CDCA8: variants seen among roughly 807,000 people sequenced by gnomAD.
CDCA8 encodes the protein cell division cycle associated 8, also known as borealin.
A neutral mutation model predicts 40.0 loss-of-function variants in CDCA8; 25 were observed. That is an observed-to-expected ratio of 0.63 (90% CI 0.46 to 0.87). The LOEUF (loss-of-function observed/expected upper bound fraction) is 0.87. CDCA8 is among the 40% of genes least tolerant of loss of function. The pLI is 0.00. For synonymous variants in CDCA8, 111 were observed against 126.5 expected (o/e 0.88, Z 0.82); for missense variants, 280 against 348.4 (o/e 0.80, Z 1.56).
At chr1:37,704,855 C>G (rs968178919) in intron 7 of CDCA8, among the ~76,000 whole-genome samples, 1 of 151,910 alleles carries the variant, frequency 6.6e-6, no homozygotes, top group African/African-American at 2.4e-5. Context: ...GCCATGTTGG[C>G]CAGGCTGGTC....
chr1:37,701,055 T>C (rs1645559727), intron 5 of CDCA8, among the ~76,000 whole-genome samples: 1 of 152,114 alleles, frequency 6.6e-6, no homozygotes, highest in Admixed American at 6.6e-5. Context: ...CACATGCCAA[T>C]TGCATGACAT....
intron 2 of CDCA8, 115 bp from the exon 3 acceptor site, chr1:37,695,795 A>G (rs2148286115): frequency 1.3e-6 from 1 of 762,418 alleles, no homozygotes; most frequent in East Asian, 2.7e-5. Context: ...TTAGATGGTG[A>G]AGGTCCTTGA....
chr1:37,695,070 A>AGGCTG (rs1451529017), intron 2 of CDCA8, among the ~76,000 whole-genome samples: 1 of 152,186 alleles, frequency 6.6e-6, no homozygotes, highest in Admixed American at 6.5e-5. Flanking sequence ...AAAAATAAGC[A>AGGCTG]GGCTGGGCAC....
At chr1:37,703,437 C>T in intron 7 of CDCA8, 90 bp downstream of exon 7, 1 of 968,902 alleles carries the variant, frequency 1.0e-6, no homozygotes, top group Non-Finnish European at 1.7e-6. Context: ...ACTCCTAGGC[C>T]AGGCACGGTA....
intron 2 of CDCA8, among the ~76,000 whole-genome samples, chr1:37,693,335 TTTAG>T (rs1400753461): frequency 1.3e-5 from 2 of 152,100 alleles, no homozygotes; most frequent in African/African-American, 4.8e-5. Flanking sequence ...CCAATAAAAT[TTTAG>T]TTATGGATAC....
intron 2 of CDCA8, among the ~76,000 whole-genome samples, chr1:37,695,384 A>T (rs1280038001): frequency 6.8e-6 from 1 of 146,530 alleles, no homozygotes; most frequent in Non-Finnish European, 1.5e-5. Context: ...AAAAAAAAAA[A>T]AAAAAAAAGA....
chr1:37,705,369 G>A, intron 7 of CDCA8, 72 bp from the exon 8 acceptor site: 1 of 1,452,702 alleles, frequency 6.9e-7, no homozygotes, highest in East Asian at 2.3e-5. Flanking sequence ...GCCAGAGTAA[G>A]GTTAAAATGG....
At chr1:37,698,123 A>T (rs147472745) in intron 3 of CDCA8, among the ~76,000 whole-genome samples, 1 of 152,350 alleles carries the variant, frequency 6.6e-6, no homozygotes, top group African/African-American at 2.4e-5. Flanking sequence ...GATTTATCGA[A>T]AAAATGGTAA....
chr1:37,705,606 G>A, intron 8 of CDCA8, 39 bp downstream of exon 8: 1 of 1,603,806 alleles, frequency 6.2e-7, no homozygotes, highest in East Asian at 2.2e-5. Context: ...ACAGTGTGCT[G>A]CTTAGTCAAG....
chr1:37,706,371 G>C (rs999500675), intron 8 of CDCA8, among the ~76,000 whole-genome samples: 41 of 151,956 alleles, frequency 2.7e-4, no homozygotes, highest in African/African-American at 9.9e-4. Context: ...GCCTCCCAAG[G>C]TGCTGGGATT....
In CDCA8 at chr1:37,692,985, C is replaced by T. The variant is rs762865531; in HGVS notation, c.175C>T (p.Leu59=). 7.6e-5 allele frequency: 123 copies of T among 1,614,002 alleles called. No homozygotes were observed. The highest frequency in any genetic ancestry group is 4.9e-4 in the Middle Eastern group (3 of 6,084). The change falls in exon 2 of 10, where the codon CTG becomes TTG. Residue 59 remains leucine (L), a synonymous_variant. Coordinates refer to ENST00000373055, the MANE Select transcript of CDCA8 (RefSeq NM_001256875.2). The part of the protein sequence containing the change: ...EVDNLYNIEI[L]RLPKALREMN... The stretch of plus-strand genomic sequence containing the variant: ...GGATAACCTCTACAACATCGAGATC[C>T]TGCGGCTCCCCAAGGCTCTGCGCGA...
Position 37,692,621 on chromosome 1 carries a change from C to T in CDCA8, c.-70C>T. On this transcript the variant is annotated 5_prime_UTR_variant, in exon 1 of 10. Transcript: ENST00000373055. ...TCTTCGGGTGGTCCCCGTCCGCCCT[C>T]CTCGTCCCTACCCAGTTTCTTGCTT... 3.1e-6 allele frequency: 4 copies of T among 1,284,654 alleles called. No homozygotes were observed. Among genetic ancestry groups the T allele is most frequent in the South Asian group, 1.2e-5 (1 of 80,736 alleles). 79.6% of individuals were successfully genotyped at this position (1,284,654 alleles called of 1,614,324 possible).
chr1:37,700,441 A>C lies in CDCA8; in HGVS notation c.343A>C (p.Lys115Gln), dbSNP rs201801454. Residue 115 changes from lysine to glutamine, a missense_variant, in exon 5 of 10, where the codon AAG (lysine) becomes CAG (glutamine). Transcript: ENST00000373055. The part of the protein sequence containing the change: ...QTPLKSAKTR[K>Q]VIQVDEMIVE... ...GTTGAAACTGTTTCTTACAGCACGA[A>C]AGGTAATACAGGTAGATGAAATGAT... is the stretch of plus-strand genomic sequence containing the variant. 1.9e-4 allele frequency: 298 copies of C among 1,600,352 alleles called. No homozygotes were observed. Among genetic ancestry groups the C allele is most frequent in the Non-Finnish European group, 2.5e-4 (297 of 1,167,778 alleles).
chr1:37,703,482 G>A (rs769704830), intron 7 of CDCA8, 135 bp downstream of exon 7: 19 of 683,272 alleles, frequency 2.8e-5, no homozygotes, highest in African/African-American at 1.2e-4. Flanking sequence ...TTGAGAGGCC[G>A]AGGCAGGCGG....
rs368011710 is a variant in CDCA8, at chr1:37,704,094, C to T, written c.584+747C>T. Among the ~76,000 whole-genome samples the T allele has an allele frequency of 2.4e-4, 36 of 152,186 alleles. 1 individual carries two copies. The South Asian group carries it at 6.7e-3, about 28-fold the overall frequency. On this transcript the variant is annotated intron_variant, in intron 7 of 9. Transcript: ENST00000373055. ...TTAGCTCCCAAGCATGCCACCATGC[C>T]TGGCTAATTTTTTGTTTTTTTGTAG...
intron 5 of CDCA8, 65 bp from the exon 6 acceptor site, chr1:37,701,689 A>C (rs34342214): frequency 0.027 from 25,893 of 959,484 alleles, 122 homozygotes; most frequent in Middle Eastern, 0.035. Flanking sequence ...AAAAAAAAAA[A>C]CCCTCCTTAC....
chr1:37,695,968 T>C lies in CDCA8; in HGVS notation c.264+18T>C. The C allele has an allele frequency of 6.2e-7, 1 of 1,612,750 alleles. No individual in the cohort carries two copies. The highest frequency in any genetic ancestry group is 8.5e-7 in the Non-Finnish European group (1 of 1,178,818). Reference sequence around the variant, plus strand: ...CGGCAACAGTAAGTGACCTTTCCTATTTTCCAGCCAGTGGTTACTTAAGTC... The same window carrying C: ...CGGCAACAGTAAGTGACCTTTCCTACTTTCCAGCCAGTGGTTACTTAAGTC... On this transcript the variant is annotated intron_variant, in intron 3 of 9. Transcript: ENST00000373055.
chr1:37,706,926 G>GT lies in CDCA8; in HGVS notation c.712-50dup. 2.7e-6 allele frequency: 4 copies of GT among 1,459,218 alleles called. No individual in the cohort carries two copies. In the South Asian group the frequency reaches 4.6e-5, roughly 17 times the overall value. 90.4% of individuals were successfully genotyped at this position (1,459,218 alleles called of 1,614,324 possible). A position where few individuals can be genotyped will look rare whatever the true frequency, so the allele number is the denominator to read the frequency against. ...TGCAGGATATCAGGGGAACCTAGGG[G>GT]TTCCGGCCCTAAGGGCCATGGCCAG... On this transcript the variant is annotated intron_variant, in intron 8 of 9. Coordinates refer to ENST00000373055, the MANE Select transcript of CDCA8 (RefSeq NM_001256875.2).
intron 4 of CDCA8, 132 bp from the exon 5 acceptor site, chr1:37,700,304 A>C (rs1204614640): frequency 1.1e-4 from 63 of 590,378 alleles, no homozygotes; most frequent in South Asian, 2.1e-4. Flanking sequence ...TTTCTTAAAA[A>C]GTCTTCTTTA....
Sources: gnomAD v4.1 joint callset for allele counts (sites outside exome capture counted in the v4.1 genomes callset) on GRCh38, gnomAD v4.1.1 for gene constraint, MANE v1.5 for transcripts, NCBI Gene and HGNC (gene_info 2026-07-23, HGNC 2026-07-21) for gene names.